Variants in SLC25A48 observed in about 807,000 individuals in gnomAD.
The protein encoded by SLC25A48 is CTC-321K16.1.
In SLC25A48, 29 loss-of-function variants were observed where a neutral mutation model predicts 32.2. The ratio of observed to expected loss-of-function variants is 0.90; its 90% CI spans 0.67 to 1.23. The LOEUF is 1.23. SLC25A48 is among the 50% of genes most tolerant of loss of function. The pLI, the probability that SLC25A48 is intolerant of heterozygous loss-of-function variation, is 0.00. For missense variants in SLC25A48, 399 were observed against 422.7 expected, an observed-to-expected ratio of 0.94 and a Z score of 0.49; for synonymous variants, 164 against 172.3, an observed-to-expected ratio of 0.95 and a Z score of 0.38.
chr5:135,615,483 A>C (rs1350148396), intron 1 of SLC25A48, among the ~76,000 whole-genome samples: 1 of 152,188 alleles, frequency 6.6e-6, no homozygotes, highest in East Asian at 1.9e-4. Flanking sequence ...GGTGTCTGGT[A>C]GAAGAAATTT....
intron 2 of SLC25A48, among the ~76,000 whole-genome samples, chr5:135,634,412 A>T (rs1752650971): frequency 6.6e-6 from 1 of 152,228 alleles, no homozygotes; most frequent in Admixed American, 6.5e-5. Flanking sequence ...ATGGCCAATC[A>T]TCATGGGGCC....
At chr5:135,600,340 A>C (rs538512323) in intron 1 of SLC25A48, among the ~76,000 whole-genome samples, 3 of 152,214 alleles carry the variant, frequency 2.0e-5, no homozygotes, top group Non-Finnish European at 2.9e-5. Flanking sequence ...CCCCAAGGCT[A>C]TAAGTTTGTG....
At chr5:135,757,940 CATG>C (rs1268846469) in intron 3 of SLC25A48, among the ~76,000 whole-genome samples, 1 of 150,234 alleles carries the variant, frequency 6.7e-6, no homozygotes, top group Non-Finnish European at 1.5e-5. Context: ...AAAATATCTA[CATG>C]ATATTTATAC....
At chr5:135,829,966 G>A (rs904895200), upstream of SLC25A48, among the ~76,000 whole-genome samples, 26 of 151,920 alleles carry the variant, frequency 1.7e-4, no homozygotes, top group South Asian at 2.1e-4. Flanking sequence ...GCCCTGAGGT[G>A]GAAGAAAGCC....
At chr5:135,865,032 C>T (rs557774333) in intron 4 of SLC25A48, among the ~76,000 whole-genome samples, 1 of 152,310 alleles carries the variant, frequency 6.6e-6, no homozygotes, top group South Asian at 2.1e-4. Flanking sequence ...GAGTAAGGGA[C>T]ATTTGCATGG....
At chr5:135,607,133 C>T (rs1394836560) in intron 1 of SLC25A48, among the ~76,000 whole-genome samples, 2 of 152,180 alleles carry the variant, frequency 1.3e-5, no homozygotes, top group Admixed American at 6.5e-5. Context: ...AAGGCGCTGC[C>T]TCTGAGAAGC....
At chr5:135,708,547 A>G (rs1362652531) in intron 3 of SLC25A48, among the ~76,000 whole-genome samples, 1 of 152,172 alleles carries the variant, frequency 6.6e-6, no homozygotes, top group Non-Finnish European at 1.5e-5. Flanking sequence ...CATTCATCCA[A>G]ATTCTCTGTG....
At chr5:135,881,670 A>G (rs1208456123) in intron 7 of SLC25A48, among the ~76,000 whole-genome samples, 1 of 152,252 alleles carries the variant, frequency 6.6e-6, no homozygotes, top group African/African-American at 2.4e-5. Flanking sequence ...TAACAGAGAA[A>G]AGTAATTTCT....
chr5:135,754,509 ACT>A (rs1205037470), intron 3 of SLC25A48, among the ~76,000 whole-genome samples: 1 of 151,532 alleles, frequency 6.6e-6, no homozygotes, highest in Non-Finnish European at 1.5e-5. Context: ...ATAAAATATC[ACT>A]CTGATATTAA....
chr5:135,883,159 CCAGGCAGGCTGTCCT>C (rs1433307842), intron 7 of SLC25A48: 1 of 985,528 alleles, frequency 1.0e-6, no homozygotes, highest in Non-Finnish European at 1.2e-6. Flanking sequence ...GGGCTTTCAG[CCAGGCAGGCTGTCCT>C]CAGAACCTCT....
At chr5:135,624,023 G>A (rs1007374154) in intron 1 of SLC25A48, among the ~76,000 whole-genome samples, 1 of 152,184 alleles carries the variant, frequency 6.6e-6, no homozygotes, top group African/African-American at 2.4e-5. Flanking sequence ...AGTAGGAGAG[G>A]CTCTGGGGAT....
chr5:135,737,317 G>A (rs1755398067), intron 3 of SLC25A48, among the ~76,000 whole-genome samples: 1 of 152,150 alleles, frequency 6.6e-6, no homozygotes, highest in Non-Finnish European at 1.5e-5. Context: ...GGGAGACTTT[G>A]AGCCAGGATG....
chr5:135,757,654 ATATT>A (rs1415188276), intron 3 of SLC25A48, among the ~76,000 whole-genome samples: 1 of 149,680 alleles, frequency 6.7e-6, no homozygotes, highest in East Asian at 2.1e-4. Flanking sequence ...CATCTAGATG[ATATT>A]TATAATGTCT....
At chr5:135,628,688 G>A (rs1445436619) in intron 1 of SLC25A48, among the ~76,000 whole-genome samples, 2 of 152,100 alleles carry the variant, frequency 1.3e-5, no homozygotes, top group Non-Finnish European at 2.9e-5. Context: ...TGTCTTAGAG[G>A]ATGGAAACGC....
At chr5:135,879,556 G>C (rs1470007193) in intron 6 of SLC25A48, among the ~76,000 whole-genome samples, 8 of 151,360 alleles carry the variant, frequency 5.3e-5, no homozygotes, top group Non-Finnish European at 1.5e-5. Context: ...TGGGTGCTCT[G>C]TCTACTCAGG....
chr5:135,756,928 TATC>T lies in SLC25A48; in HGVS notation c.-520-55591_-520-55589del, dbSNP rs561423825. 4.2e-3 allele frequency among the ~76,000 whole-genome samples: 641 copies of T among 151,196 alleles called. 3 individuals carry two copies. The highest frequency in any genetic ancestry group is 0.014 in the African/African-American group (586 of 41,416). On this transcript the variant is annotated intron_variant, in intron 3 of 10. Coordinates refer to the SLC25A48 transcript ENST00000646290. ...TTAACACACTGTGATAGTAATAAAA[TATC>T]ATCTAGATGATATTTATAATATCTA...
intron 1 of SLC25A48, among the ~76,000 whole-genome samples, chr5:135,594,120 G>A (rs940175671): frequency 2.0e-5 from 3 of 152,214 alleles, no homozygotes; most frequent in Admixed American, 2.0e-4. Flanking sequence ...CTCAAACACG[G>A]TGACTTTAGT....
At chr5:135,780,254 T>C (rs1387511003) in intron 3 of SLC25A48, among the ~76,000 whole-genome samples, 3 of 109,414 alleles carry the variant, frequency 2.7e-5, no homozygotes, top group African/African-American at 5.5e-5. Flanking sequence ...GGCCGGTTAA[T>C]TTTTTGTATT....
chr5:135,846,652 G>A (rs1759446564), intron 2 of SLC25A48, among the ~76,000 whole-genome samples: 1 of 152,132 alleles, frequency 6.6e-6, no homozygotes, highest in Admixed American at 6.5e-5. Context: ...GAGATTCACA[G>A]CACCCCTGAC....
Sources: allele counts gnomAD v4.1 joint callset (sites outside exome capture counted in the v4.1 genomes callset), GRCh38; gene constraint gnomAD v4.1.1; transcripts MANE v1.5; gene names NCBI Gene and HGNC (gene_info 2026-07-23, HGNC 2026-07-21).